Variants in NTM observed in about 807,000 individuals in gnomAD.
The protein encoded by NTM is neurotrimin, also known as IgLON family member 2.
NTM carries 13 observed loss-of-function variants against 42.1 expected under a neutral mutation model. The ratio of observed to expected loss-of-function variants is 0.31; its 90% CI spans 0.20 to 0.49. The LOEUF (loss-of-function observed/expected upper bound fraction) is 0.49, where lower values mean the gene tolerates loss of function less well. Ranked by LOEUF, NTM falls within the 20% of genes least tolerant of loss-of-function variation. The probability of loss-of-function intolerance (pLI) is 0.99; values close to 1 mark genes in which losing one functional copy is unlikely to be tolerated. For synonymous variants in NTM, 187 were observed against 179.2 expected (o/e 1.04, Z -0.35); for missense variants, 373 against 452.8 (o/e 0.82, Z 1.60).
At chr11:131,644,600 A>C (rs1474643821) in intron 1 of NTM, among the ~76,000 whole-genome samples, 1 of 152,232 alleles carries the variant, frequency 6.6e-6, no homozygotes, top group Non-Finnish European at 1.5e-5. Flanking sequence ...TACCAGCAGG[A>C]ATTGAGAAAT....
intron 1 of NTM, among the ~76,000 whole-genome samples, chr11:131,704,217 C>T (rs1402433904): frequency 6.6e-6 from 1 of 152,158 alleles, no homozygotes; most frequent in Non-Finnish European, 1.5e-5. Flanking sequence ...TACCAGGGGA[C>T]CCCAGTGCCA....
intron 2 of NTM, among the ~76,000 whole-genome samples, chr11:132,138,201 C>A (rs1426213628): frequency 6.6e-6 from 1 of 152,152 alleles, no homozygotes; most frequent in Non-Finnish European, 1.5e-5. Flanking sequence ...AAAATTGTAT[C>A]TACTTCCTGC....
chr11:132,166,409 G>A (rs1239842038), intron 3 of NTM, among the ~76,000 whole-genome samples: 1 of 152,074 alleles, frequency 6.6e-6, no homozygotes, highest in Non-Finnish European at 1.5e-5. Context: ...TGGCACCCAG[G>A]ATTTCAGGAT....
chr11:131,530,866 C>T (rs376291343), intron 1 of NTM, among the ~76,000 whole-genome samples: 3 of 152,088 alleles, frequency 2.0e-5, no homozygotes, highest in Admixed American at 6.5e-5. Flanking sequence ...GAAAAAAATA[C>T]GGAGGCAATT....
At chr11:131,547,823 A>G (rs1285000525) in intron 1 of NTM, among the ~76,000 whole-genome samples, 1 of 152,186 alleles carries the variant, frequency 6.6e-6, no homozygotes, top group Non-Finnish European at 1.5e-5. Context: ...CATCAATCTT[A>G]TCTCCCTTTT....
chr11:131,685,040 C>A (rs1192128702), intron 1 of NTM, among the ~76,000 whole-genome samples: 2 of 152,198 alleles, frequency 1.3e-5, no homozygotes, highest in Non-Finnish European at 2.9e-5. Context: ...GTGGAAGGCT[C>A]AACCCAAGAA....
chr11:132,107,870 T>C (rs1225007998), intron 2 of NTM, among the ~76,000 whole-genome samples: 2 of 152,230 alleles, frequency 1.3e-5, no homozygotes, highest in Non-Finnish European at 2.9e-5. Context: ...CTTCATCCTA[T>C]GTCTTCTGTA....
chr11:131,511,558 T>G (rs2048250609), intron 1 of NTM, among the ~76,000 whole-genome samples: 1 of 152,244 alleles, frequency 6.6e-6, no homozygotes, highest in Admixed American at 6.5e-5. Flanking sequence ...AGCTAGACTT[T>G]GTGCTTGCAC....
chr11:131,820,637 C>T (rs1229129204), intron 1 of NTM, among the ~76,000 whole-genome samples: 2 of 152,170 alleles, frequency 1.3e-5, no homozygotes, highest in Admixed American at 6.5e-5. Context: ...TGATATCTGT[C>T]ATTCCCAGGC....
chr11:131,936,511 A>G (rs972741126), intron 2 of NTM, among the ~76,000 whole-genome samples: 1 of 152,200 alleles, frequency 6.6e-6, no homozygotes, highest in South Asian at 2.1e-4. Context: ...GTAGGAGGTG[A>G]GGGTTGGAAA....
intron 1 of NTM, among the ~76,000 whole-genome samples, chr11:131,376,280 T>G (rs937329811): frequency 3.3e-5 from 5 of 152,234 alleles, no homozygotes; most frequent in Non-Finnish European, 7.3e-5. Flanking sequence ...ATTTTCCATA[T>G]CAAATTTATC....
intron 1 of NTM, among the ~76,000 whole-genome samples, chr11:131,817,812 C>T (rs2093012723): frequency 6.6e-6 from 1 of 152,264 alleles, no homozygotes; most frequent in South Asian, 2.1e-4. Flanking sequence ...CTTGCGGGCA[C>T]TGACTAGACT....
chr11:131,406,146 T>G (rs1945791771), intron 1 of NTM, among the ~76,000 whole-genome samples: 1 of 152,230 alleles, frequency 6.6e-6, no homozygotes, highest in Non-Finnish European at 1.5e-5. Context: ...TGTTCATCAC[T>G]GATCTTTAAG....
intron 2 of NTM, among the ~76,000 whole-genome samples, chr11:131,990,070 T>C (rs762906124): frequency 2.6e-5 from 4 of 152,178 alleles, no homozygotes; most frequent in Non-Finnish European, 4.4e-5. Context: ...ATCAGTCTTA[T>C]TGATTTTGAT....
chr11:131,765,510 A>G (rs1476949372), intron 1 of NTM, among the ~76,000 whole-genome samples: 1 of 152,164 alleles, frequency 6.6e-6, no homozygotes, highest in Non-Finnish European at 1.5e-5. Flanking sequence ...CTCTTCTAGG[A>G]AAATTCCCCT....
intron 2 of NTM, among the ~76,000 whole-genome samples, chr11:132,090,290 G>A (rs1310511028): frequency 6.6e-6 from 1 of 152,038 alleles, no homozygotes; most frequent in Non-Finnish European, 1.5e-5. Flanking sequence ...TGTCTCCTTG[G>A]CCCTTCACAC....
chr11:132,159,262 G>C (rs1452714148), intron 3 of NTM, among the ~76,000 whole-genome samples: 1 of 152,196 alleles, frequency 6.6e-6, no homozygotes, highest in African/African-American at 2.4e-5. Context: ...AGGAAGAGTG[G>C]AAGGGGTCCC....
intron 1 of NTM, among the ~76,000 whole-genome samples, chr11:131,454,423 T>C (rs1484878209): frequency 6.6e-6 from 1 of 152,136 alleles, no homozygotes; most frequent in African/African-American, 2.4e-5. Context: ...TTTCCTTTCC[T>C]CCCTATCCTT....
intron 1 of NTM, among the ~76,000 whole-genome samples, chr11:131,617,171 G>A (rs2062024908): frequency 6.6e-6 from 1 of 152,082 alleles, no homozygotes; most frequent in Non-Finnish European, 1.5e-5. Flanking sequence ...GATGGCGTGT[G>A]TGTACTCCTG....
Sources: gnomAD v4.1 joint callset for allele counts (sites outside exome capture counted in the v4.1 genomes callset) on GRCh38, gnomAD v4.1.1 for gene constraint, MANE v1.5 for transcripts, NCBI Gene and HGNC (gene_info 2026-07-23, HGNC 2026-07-21) for gene names.